Variants in SYCE1L observed in about 807,000 individuals in gnomAD.
The protein encoded by SYCE1L is synaptonemal complex central element protein 1 like.
Under a neutral mutation model 39.6 loss-of-function variants are expected in SYCE1L, and 51 were observed. That is an observed-to-expected ratio of 1.29 (90% CI 1.03 to 1.63). The LOEUF (loss-of-function observed/expected upper bound fraction) is 1.63. Ranked by LOEUF, SYCE1L falls within the 40% of genes most tolerant of loss-of-function variation. The pLI is 0.00. For missense variants in SYCE1L, 426 were observed against 304.9 expected (o/e 1.40, Z -2.96); for synonymous variants, 147 against 122.4 (o/e 1.20, Z -1.33).
rs747125456 is a variant in SYCE1L at position 77,208,460 on chromosome 16, C to T, written c.182-5C>T. The T allele has an allele frequency of 1.9e-6, 3 of 1,551,642 alleles. No homozygotes were observed. The highest frequency in any genetic ancestry group is 2.6e-6 in the Non-Finnish European group (3 of 1,146,984). ...ATACAGTGTCTTTTTCCCTTCTTGGCCCAGCAAAGAAGAAATCCAGTGAGG... is the reference window on the plus strand; with the variant it reads ...ATACAGTGTCTTTTTCCCTTCTTGGTCCAGCAAAGAAGAAATCCAGTGAGG... On this transcript the variant is annotated splice_polypyrimidine_tract_variant and splice_region_variant and intron_variant, in intron 3 of 10. Transcript: ENST00000378644.
intron 4 of SYCE1L, 144 bp from the exon 5 acceptor site, chr16:77,208,953 G>A (rs1360553928): frequency 1.2e-6 from 1 of 844,174 alleles, no homozygotes; most frequent in East Asian, 2.7e-5. Flanking sequence ...GTCCTTCTGG[G>A]AGATGGTTGC....
At position 77,208,529 on chromosome 16, in the gene SYCE1L, A is replaced by G; in HGVS notation, c.246A>G (p.Glu82=). The change falls in exon 4 of 11, where the codon GAA becomes GAG. Residue 82 remains glutamate, a synonymous_variant. Coordinates refer to ENST00000378644, the MANE Select transcript of SYCE1L (RefSeq NM_001129979.3). ...GTCTCTGGGAGGCCCTGCATAGGGA[A>G]TTAGACTCCTGTAAGTGGGGCCAAA... ...THSLWEALHR[E]LDSLNGEKVH... 2 of 1,551,712 alleles carry G rather than the reference A, an allele frequency of 1.3e-6. No individual in the cohort carries two copies. Among genetic ancestry groups the G allele is most frequent in the South Asian group, 1.2e-5 (1 of 84,064 alleles).
intron 7 of SYCE1L, among the ~76,000 whole-genome samples, 159 bp downstream of exon 7, chr16:77,211,435 C>G (rs1272118665): frequency 6.6e-6 from 1 of 152,150 alleles, no homozygotes; most frequent in African/African-American, 2.4e-5. Context: ...CAGCTTTTAT[C>G]TAAAATCAAC....
chr16:77,199,557 C>A, intron 1 of SYCE1L, 45 bp downstream of exon 1: 1 of 1,401,512 alleles, frequency 7.1e-7, no homozygotes, highest in Non-Finnish European at 9.9e-7. Flanking sequence ...CCAACCAGGG[C>A]AGAAAGGAGG....
Position 77,212,929 on chromosome 16 carries a change from T to G in SYCE1L, c.727T>G (p.Ter243GluextTer67). Residue 243 changes from the stop codon to glutamate, a stop_lost, in exon 11 of 11, where the codon TAG becomes GAG. Transcript: ENST00000378644. ...GCCGGTGGCTGCCCCTGACGCCCTCTAGGCCAGCAGGACCCGCCCGTTCCC... is the reference window on the plus strand; with the variant it reads ...GCCGGTGGCTGCCCCTGACGCCCTCGAGGCCAGCAGGACCCGCCCGTTCCC... ...EPPVAAPDAL[*>E] 3.3e-6 allele frequency: 5 copies of G among 1,521,480 alleles called. No homozygotes were observed. The highest frequency in any genetic ancestry group is 4.4e-6 in the Non-Finnish European group (5 of 1,135,400). The allele number at this position is 1,521,480 out of a possible 1,614,324, so 94.2% of individuals were successfully genotyped here. A position where few individuals can be genotyped will look rare whatever the true frequency, so the allele number is the denominator to read the frequency against.
chr16:77,201,856 A>G (rs2054747116), intron 1 of SYCE1L: 1 of 152,180 alleles, frequency 6.6e-6, no homozygotes, highest in Non-Finnish European at 1.5e-5. Flanking sequence ...ATTGACACAC[A>G]AGGAGCTCCA....
chr16:77,201,683 A>C (rs189992058), intron 1 of SYCE1L: 71 of 152,340 alleles, frequency 4.7e-4, no homozygotes, highest in African/African-American at 1.5e-3. Flanking sequence ...CACAAGAAGT[A>C]GTCACAGAAA....
chr16:77,209,458 A>G lies in SYCE1L; in HGVS notation c.346A>G (p.Ser116Gly), dbSNP rs2054808133. ...ILQMHCQEKE[S>G]EAQRLDVRGQ... ...CCAGATGCACTGCCAAGAGAAGGAAAGCGAGGCTCAGAGGTAAGAGGCCCT... is the reference window on the plus strand; with the variant it reads ...CCAGATGCACTGCCAAGAGAAGGAAGGCGAGGCTCAGAGGTAAGAGGCCCT... Residue 116 changes from serine (S) to glycine (G), a missense_variant, in exon 6 of 11, where the codon AGC becomes GGC. Ser to Gly is a moderately conservative substitution (Grantham distance 56). Transcript: ENST00000378644. The G allele has an allele frequency of 6.4e-7, 1 of 1,551,794 alleles. No individual in the cohort carries two copies. Among genetic ancestry groups the G allele is most frequent in the South Asian group, 1.2e-5 (1 of 84,068 alleles).
chr16:77,204,430 T>G (rs1449220613), intron 1 of SYCE1L, among the ~76,000 whole-genome samples: 1 of 152,082 alleles, frequency 6.6e-6, no homozygotes, highest in African/African-American at 2.4e-5. Flanking sequence ...GGTGTCCTTA[T>G]AAGTAGAGGG....
At chr16:77,205,276 C>T (rs1022497557) in intron 1 of SYCE1L, among the ~76,000 whole-genome samples, 6 of 151,734 alleles carry the variant, frequency 4.0e-5, no homozygotes, top group Middle Eastern at 3.4e-3. Context: ...TTCGTCTTCT[C>T]TTCAGTTTTC....
chr16:77,205,182 A>C (rs2054777498), intron 1 of SYCE1L, among the ~76,000 whole-genome samples: 1 of 151,734 alleles, frequency 6.6e-6, no homozygotes, highest in Non-Finnish European at 1.5e-5. Context: ...TTAAAATCTG[A>C]GGGAGAGGGA....
intron 9 of SYCE1L, 96 bp from the exon 10 acceptor site, chr16:77,212,478 C>T (rs371988837): frequency 2.9e-5 from 44 of 1,539,998 alleles, no homozygotes; most frequent in East Asian, 2.0e-4. Context: ...CCTGTGCCTC[C>T]CTCGGCGTCG....
Position 77,199,428 on chromosome 16 carries a change from C to G in SYCE1L, c.-24C>G, listed in dbSNP as rs1175036087. The G allele has an allele frequency of 3.2e-6, 5 of 1,550,968 alleles. No individual in the cohort carries two copies. The highest frequency in any genetic ancestry group is 3.9e-5 in the Admixed American group (2 of 50,966). On this transcript the variant is annotated 5_prime_UTR_variant, in exon 1 of 11. Transcript: ENST00000378644. The stretch of plus-strand genomic sequence containing the variant: ...TTTTAACCAGTCATCAAGCGAGGCT[C>G]GCGCGCAGGCCCCGCGTTGGAAAAT...
In SYCE1L at chr16:77,212,430, C is replaced by A. The variant is rs866515690; in HGVS notation, c.581+61C>A. ...GGGGCAGGGCGGAGGGGAACCCGCCCAGGTCCCCCGCTCCGCCCCCGACTG... is the reference window on the plus strand; with the variant it reads ...GGGGCAGGGCGGAGGGGAACCCGCCAAGGTCCCCCGCTCCGCCCCCGACTG... On this transcript the variant is annotated intron_variant, in intron 9 of 10. Transcript: ENST00000378644. 8.5e-5 allele frequency: 130 copies of A among 1,532,514 alleles called. No individual in the cohort carries two copies. In the African/African-American group the frequency reaches 1.6e-3, roughly 19 times the overall value. 94.9% of individuals were successfully genotyped at this position (1,532,514 alleles called of 1,614,324 possible).
chr16:77,211,293 G>T lies in SYCE1L; in HGVS notation c.423+17G>T. 1 of 1,551,836 alleles carries T rather than the reference G, an allele frequency of 6.4e-7. No homozygotes were observed. Among genetic ancestry groups the T allele is most frequent in the Non-Finnish European group, 8.7e-7 (1 of 1,147,012 alleles). On this transcript the variant is annotated intron_variant, in intron 7 of 10. Coordinates refer to ENST00000378644, the MANE Select transcript of SYCE1L (RefSeq NM_001129979.3). ...GAATTCCACGTGAGCCATTATCATTGCCTGCAACCAAAGCCACTCCTCCCT... is the reference window on the plus strand; with the variant it reads ...GAATTCCACGTGAGCCATTATCATTTCCTGCAACCAAAGCCACTCCTCCCT...
intron 6 of SYCE1L, among the ~76,000 whole-genome samples, chr16:77,210,957 C>G (rs1475409729): frequency 1.3e-5 from 2 of 152,204 alleles, no homozygotes; most frequent in Non-Finnish European, 2.9e-5. Flanking sequence ...GTTTCAGAGT[C>G]TCAAACAGAG....
chr16:77,203,357 A>G (rs919973870), intron 1 of SYCE1L, among the ~76,000 whole-genome samples: 1 of 152,034 alleles, frequency 6.6e-6, no homozygotes, highest in Non-Finnish European at 1.5e-5. Flanking sequence ...TGTGTTTATT[A>G]TGTAATTTAA....
In SYCE1L at chr16:77,211,283, C is replaced by T. The variant is rs760345796; in HGVS notation, c.423+7C>T. 30 of 1,551,870 alleles carry T rather than the reference C, an allele frequency of 1.9e-5. No individual in the cohort carries two copies. In the Middle Eastern group the frequency reaches 2.8e-3, roughly 147 times the overall value. On this transcript the variant is annotated splice_region_variant and intron_variant, in intron 7 of 10. Coordinates refer to ENST00000378644, the MANE Select transcript of SYCE1L (RefSeq NM_001129979.3). ...GGACCTCTGGGAATTCCACGTGAGC[C>T]ATTATCATTGCCTGCAACCAAAGCC...
At chr16:77,208,660 T>G in intron 4 of SYCE1L, 121 bp downstream of exon 4, 4 of 999,924 alleles carry the variant, frequency 4.0e-6, no homozygotes, top group Non-Finnish European at 5.9e-6. Flanking sequence ...CTGTATTGCC[T>G]TTCACTGTCT....
Sources: allele counts gnomAD v4.1 joint callset (sites outside exome capture counted in the v4.1 genomes callset), GRCh38; gene constraint gnomAD v4.1.1; transcripts MANE v1.5; gene names NCBI Gene and HGNC (gene_info 2026-07-23, HGNC 2026-07-21).